Variants in SAP130 observed in about 807,000 individuals in gnomAD.
SAP130 encodes the protein Sin3A associated protein 130, also known as histone deacetylase complex subunit SAP130.
In SAP130, 16 loss-of-function variants were observed where a neutral mutation model predicts 103.2. The observed-to-expected ratio is 0.16, with a 90% CI of 0.10 to 0.24. SAP130 has a LOEUF of 0.24. Ranked by LOEUF, SAP130 falls within the 10% of genes least tolerant of loss-of-function variation. The probability of loss-of-function intolerance (pLI) is 1.00; values close to 1 mark genes in which losing one functional copy is unlikely to be tolerated. For missense variants in SAP130, 990 were observed against 1,359.7 expected (o/e 0.73, Z 4.28); for synonymous variants, 477 against 497.0 (o/e 0.96, Z 0.53).
At chr2:127,977,910 A>G (rs1179873072) in intron 15 of SAP130, 75 bp downstream of exon 15, 5 of 1,089,054 alleles carry the variant, frequency 4.6e-6, no homozygotes, top group Non-Finnish European at 4.1e-6. Context: ...TATGTCATGC[A>G]GGAATATTAG....
chr2:127,981,894 T>C (rs1003498994), intron 14 of SAP130, among the ~76,000 whole-genome samples: 8 of 151,990 alleles, frequency 5.3e-5, no homozygotes, highest in African/African-American at 1.7e-4. Flanking sequence ...AACCCTGCTA[T>C]AGTCTGTAAG....
chr2:127,966,988 A>C (rs1680703063), intron 15 of SAP130, among the ~76,000 whole-genome samples: 1 of 152,200 alleles, frequency 6.6e-6, no homozygotes, highest in South Asian at 2.1e-4. Context: ...TATTTCATGA[A>C]AACAGTAAGT....
chr2:128,014,472 G>A (rs1244851392), intron 5 of SAP130, among the ~76,000 whole-genome samples: 1 of 151,698 alleles, frequency 6.6e-6, no homozygotes. Context: ...GAGTAGATGG[G>A]ACTACAGACG....
rs761324219 is a variant in SAP130, at chr2:127,989,478, C to A, written c.1780+86G>T. The A allele has an allele frequency of 8.1e-7, 1 of 1,232,094 alleles. No homozygotes were observed. Among genetic ancestry groups the A allele is most frequent in the East Asian group, 2.4e-5 (1 of 42,036 alleles). The allele number at this position is 1,232,094 out of a possible 1,614,324, so 76.3% of individuals were successfully genotyped here. ...GAAAAGGCCTAGAGAAATTATAAGA[C>A]GACAAAGCCAGTGGCAGAGAAAGGA... On this transcript the variant is annotated intron_variant, in intron 13 of 20. Coordinates refer to ENST00000643581, the MANE Select transcript of SAP130 (RefSeq NM_001330301.2). This position sits in a 1 kb window ranked among gnomAD's most constrained non-coding sequence, Gnocchi z 4.6.
intron 2 of SAP130, among the ~76,000 whole-genome samples, chr2:128,025,224 G>A (rs998299295): frequency 2.6e-5 from 4 of 152,218 alleles, no homozygotes; most frequent in Non-Finnish European, 5.9e-5. Flanking sequence ...ATACTTCTCT[G>A]TTGTGGGGGG....
chr2:128,026,217 T>C lies in SAP130; in HGVS notation c.76A>G (p.Ser26Gly). The C allele has an allele frequency of 6.2e-7, 1 of 1,614,118 alleles. No homozygotes were observed. Among genetic ancestry groups the C allele is most frequent in the African/African-American group, 1.3e-5 (1 of 75,060 alleles). The change falls in exon 2 of 21, where the codon AGT (serine) becomes GGT (glycine). Residue 26 changes from serine to glycine, a missense_variant. By Grantham distance (56) the Ser-to-Gly change is moderately conservative. This residue lies in a region of SAP130 where 167 missense variants were observed against 187.4 expected (regional missense o/e 0.89). Coordinates refer to ENST00000643581, the MANE Select transcript of SAP130 (RefSeq NM_001330301.2). ...GGGTTTATCAATCCAGCAGAACCACTGTTTGCAATCTGAGAAGGGGCCTGG... is the reference window on the plus strand; with the variant it reads ...GGGTTTATCAATCCAGCAGAACCACCGTTTGCAATCTGAGAAGGGGCCTGG... ...LSQAPSQIAN[S>G]GSAGLINPAA...
Position 127,996,636 on chromosome 2 carries a change from A to G in SAP130, c.1214-145T>C. 1.4e-6 allele frequency: 1 copy of G among 698,158 alleles called. No homozygotes were observed. The highest frequency in any genetic ancestry group is 2.2e-6 in the Non-Finnish European group (1 of 460,502). The allele number at this position is 698,158 out of a possible 1,614,324, so 43.2% of individuals were successfully genotyped here. ...TCAAAATAAAAAATGAAAAATAAGT[A>G]CAAAGTTCAACAGAATTATTTCAAT... On this transcript the variant is annotated intron_variant, in intron 10 of 20. Transcript: ENST00000643581. This position sits in a 1 kb window ranked among gnomAD's most constrained non-coding sequence, Gnocchi z 4.3.
intron 15 of SAP130, among the ~76,000 whole-genome samples, chr2:127,977,335 C>CAAAAAA (rs36038328): frequency 7.2e-5 from 8 of 111,722 alleles, no homozygotes; most frequent in Non-Finnish European, 1.0e-4. Context: ...ACTTAAAATA[C>CAAAAAA]AAAAAAAAAA....
chr2:128,027,016 A>G, intron 1 of SAP130: 1 of 1,274,180 alleles, frequency 7.8e-7, no homozygotes, highest in Non-Finnish European at 1.0e-6. Flanking sequence ...GGAGTGTGAG[A>G]CCCCCGTCTC....
At chr2:128,024,038 G>A (rs943963287) in intron 2 of SAP130, among the ~76,000 whole-genome samples, 20 of 151,936 alleles carry the variant, frequency 1.3e-4, no homozygotes, top group African/African-American at 4.1e-4. Context: ...ATGGCAAAAG[G>A]AAAAGAATGT....
chr2:127,982,115 C>T (rs749751084), intron 14 of SAP130, among the ~76,000 whole-genome samples: 14 of 150,950 alleles, frequency 9.3e-5, no homozygotes, highest in South Asian at 4.2e-4. Flanking sequence ...GAAAAAAAGA[C>T]GGACAGAAGA....
At chr2:128,006,613 A>T (rs1191345453) in intron 7 of SAP130, among the ~76,000 whole-genome samples, 1 of 152,084 alleles carries the variant, frequency 6.6e-6, no homozygotes, top group African/African-American at 2.4e-5. Flanking sequence ...TGTCTCTACA[A>T]AACATTTTAA....
intron 11 of SAP130, among the ~76,000 whole-genome samples, chr2:127,994,962 G>A (rs1683070240): frequency 6.6e-6 from 1 of 152,148 alleles, no homozygotes. Flanking sequence ...ACATATCAAT[G>A]TATCAAAATC....
In SAP130 at chr2:128,014,847, G is replaced by A; in HGVS notation, c.575C>T (p.Ala192Val). 6.2e-7 allele frequency: 1 copy of A among 1,614,174 alleles called. No individual in the cohort carries two copies. Among genetic ancestry groups the A allele is most frequent in the Non-Finnish European group, 8.5e-7 (1 of 1,179,996 alleles). Residue 192 changes from alanine to valine, a missense_variant, in exon 5 of 21, where the codon GCT (alanine) becomes GTT (valine). This residue lies in a region of SAP130 where 336 missense variants were observed against 520.1 expected (regional missense o/e 0.65). Coordinates refer to ENST00000643581, the MANE Select transcript of SAP130 (RefSeq NM_001330301.2). ...TCCAATGTGAAGAGGGGGCCCAGGAGCATTGCTGCGGATGATAGACATTTG... is the reference window on the plus strand; with the variant it reads ...TCCAATGTGAAGAGGGGGCCCAGGAACATTGCTGCGGATGATAGACATTTG... ...NVQMSIIRSNAPGPPLHIGAS... is the reference protein window; with the variant it reads ...NVQMSIIRSNVPGPPLHIGAS...
chr2:128,013,586 T>C (rs978785565), intron 5 of SAP130, among the ~76,000 whole-genome samples: 5 of 152,124 alleles, frequency 3.3e-5, no homozygotes, highest in Admixed American at 2.6e-4. Context: ...CAGACCCCCA[T>C]AAGGGCCTGT....
chr2:127,942,993 A>G lies in SAP130; in HGVS notation c.2902-456T>C, dbSNP rs1490316358. Among the ~76,000 whole-genome samples, 1 of 149,268 alleles carries G rather than the reference A, an allele frequency of 6.7e-6. No homozygotes were observed. The highest frequency in any genetic ancestry group is 2.4e-5 in the African/African-American group (1 of 41,208). ...ACAAGAGCGAAATTCCATCTAAAAA[A>G]TAAATAAATAAATAAATAAATAAAA... On this transcript the variant is annotated intron_variant, in intron 19 of 20. Transcript: ENST00000643581. This position sits in a 1 kb window ranked among gnomAD's most constrained non-coding sequence, Gnocchi z 4.8.
intron 18 of SAP130, among the ~76,000 whole-genome samples, chr2:127,947,101 G>C (rs1430976182): frequency 6.6e-6 from 1 of 151,554 alleles, no homozygotes; most frequent in African/African-American, 2.4e-5. Flanking sequence ...TGGAGGCAGG[G>C]ACTGGAGTGG....
At chr2:128,015,457 T>C (rs6430966) in intron 4 of SAP130, among the ~76,000 whole-genome samples, 38,271 of 152,066 alleles carry the variant, frequency 0.25, 5,055 homozygotes, top group African/African-American at 0.33. Context: ...CTCAGCAGTA[T>C]GACAAAAGGA....
intron 4 of SAP130, 39 bp from the exon 5 acceptor site, chr2:128,014,953 G>T: frequency 6.4e-7 from 1 of 1,559,190 alleles, no homozygotes; most frequent in Non-Finnish European, 8.8e-7. Context: ...TTACATGTTT[G>T]CTCTTAGCCA....
Sources: allele counts gnomAD v4.1 joint callset (sites outside exome capture counted in the v4.1 genomes callset), GRCh38; gene constraint gnomAD v4.1.1; regional missense constraint gnomAD v4.1.1; non-coding constraint Gnocchi (gnomAD v3.1); transcripts MANE v1.5; gene names NCBI Gene and HGNC (gene_info 2026-07-23, HGNC 2026-07-21).